DISP2: variants seen among roughly 807,000 people sequenced by gnomAD.
The protein encoded by DISP2 is protein dispatched homolog 2.
Under a neutral mutation model 95.5 loss-of-function variants are expected in DISP2, and 59 were observed. The ratio of observed to expected loss-of-function variants is 0.62; its 90% CI spans 0.50 to 0.77. The LOEUF is 0.77. DISP2 is among the 30% of genes least tolerant of loss of function. The probability of loss-of-function intolerance (pLI) is 0.00; values close to 1 mark genes in which losing one functional copy is unlikely to be tolerated. For missense variants in DISP2, 1,752 were observed against 1,854.6 expected (o/e 0.94, Z 1.02); for synonymous variants, 827 against 815.0 (o/e 1.01, Z -0.25).
In DISP2 at chr15:40,363,660, C is replaced by T. The variant is rs763256585; in HGVS notation, c.155C>T (p.Pro52Leu). The stretch of plus-strand genomic sequence containing the variant: ...AAGGCTGTGCCCCCTGAGGCAAGCC[C>T]AGAGAGAAGCTGCTCCCTCCACAGC... ...QTKAVPPEAS[P>L]ERSCSLHSCP... Residue 52 changes from proline to leucine, a missense_variant, in exon 2 of 8, where the codon CCA (proline) becomes CTA (leucine). Coordinates refer to ENST00000267889, the MANE Select transcript of DISP2 (RefSeq NM_033510.3). 3 of 1,568,572 alleles carry T rather than the reference C, an allele frequency of 1.9e-6. No homozygotes were observed. In the South Asian group the frequency reaches 3.6e-5, roughly 19 times the overall value.
At position 40,363,830 on chromosome 15, in the gene DISP2, C is replaced by A; in HGVS notation, c.325C>A (p.Pro109Thr). 6.2e-7 allele frequency: 1 copy of A among 1,611,456 alleles called. No homozygotes were observed. Among genetic ancestry groups the A allele is most frequent in the Non-Finnish European group, 8.5e-7 (1 of 1,178,238 alleles). The part of the protein sequence containing the change: ...LQEYQGGSSL[P>T]GLGDRAALCS... ...GGAATACCAGGGGGGCAGTTCCCTGCCAGGACTTGGGGATCGGGCAGCTCT... is the reference window on the plus strand; with the variant it reads ...GGAATACCAGGGGGGCAGTTCCCTGACAGGACTTGGGGATCGGGCAGCTCT... The change falls in exon 2 of 8, where the codon CCA becomes ACA. Residue 109 changes from proline to threonine, a missense_variant. By Grantham distance (38) the Pro-to-Thr change is conservative. Around this residue, in one of 5 missense-constraint regions of DISP2, gnomAD observed 342 missense variants for 364.3 expected, o/e 0.94. Coordinates refer to ENST00000267889, the MANE Select transcript of DISP2 (RefSeq NM_033510.3).
chr15:40,369,539 A>C lies in DISP2; in HGVS notation c.3427A>C (p.Lys1143Gln), dbSNP rs772733570. 1 of 1,612,624 alleles carries C rather than the reference A, an allele frequency of 6.2e-7. No individual in the cohort carries two copies. The highest frequency in any genetic ancestry group is 1.3e-5 in the African/African-American group (1 of 74,888). Residue 1143 changes from lysine (K) to glutamine (Q), a missense_variant, in exon 8 of 8, where the codon AAG becomes CAG. Transcript: ENST00000267889. ...TGGTACTGGGGACCCTGGTGGGGAG[A>C]AGGCAGGCCGCCCACGACCAGGGTC... ...DAGTGDPGGE[K>Q]AGRPRPGSVG... is the part of the protein sequence containing the mutation.
At chr15:40,366,946 C>T (rs1474289715) in intron 7 of DISP2, 112 bp from the exon 8 acceptor site, 1 of 1,396,126 alleles carries the variant, frequency 7.2e-7, no homozygotes, top group Admixed American at 2.2e-5. Context: ...CAAGATCCCT[C>T]TCTGCGCTTG....
In DISP2 at chr15:40,370,950, A is replaced by T; in HGVS notation, c.*632A>T. The T allele has an allele frequency of 3.8e-6, 1 of 263,690 alleles. No homozygotes were observed. The highest frequency in any genetic ancestry group is 7.8e-6 in the Non-Finnish European group (1 of 128,946). 16.3% of individuals were successfully genotyped at this position (263,690 alleles called of 1,614,324 possible). A position where few individuals can be genotyped will look rare whatever the true frequency, so the allele number is the denominator to read the frequency against. ...CTGGGTGTGCAGCAGGAGAAGGAGG[A>T]TGGTCAGCCTTGGAGCATCTCTCAA... On this transcript the variant is annotated 3_prime_UTR_variant, in exon 8 of 8. Coordinates refer to ENST00000267889, the MANE Select transcript of DISP2 (RefSeq NM_033510.3).
Position 40,358,259 on chromosome 15 carries a change from C to CGCT in DISP2, c.-61_-60insTGC. ...CCGCCGCCGCTGCCGCCGCCACCGC[C>CGCT]GCCGCCGCCGCCGCCGCCGCGGCTT... On this transcript the variant is annotated 5_prime_UTR_variant, in exon 1 of 8. Coordinates refer to ENST00000267889, the MANE Select transcript of DISP2 (RefSeq NM_033510.3). The CGCT allele has an allele frequency of 8.7e-7, 1 of 1,151,532 alleles. No individual in the cohort carries two copies. The highest frequency in any genetic ancestry group is 1.1e-6 in the Non-Finnish European group (1 of 933,912). 71.3% of individuals were successfully genotyped at this position (1,151,532 alleles called of 1,614,324 possible). A position where few individuals can be genotyped will look rare whatever the true frequency, so the allele number is the denominator to read the frequency against.
chr15:40,368,822 G>A lies in DISP2; in HGVS notation c.2710G>A (p.Val904Ile), dbSNP rs779653902. 6.2e-7 allele frequency: 1 copy of A among 1,613,996 alleles called. No individual in the cohort carries two copies. Among genetic ancestry groups the A allele is most frequent in the South Asian group, 1.1e-5 (1 of 91,090 alleles). ...TGCCCATGGCAGCCTGGCCGCCCTG[G>A]TCCTACAATTCCAGACCAACTTCCG... ...FDAHGSLAAL[V>I]LQFQTNFRNS... The change falls in exon 8 of 8, where the codon GTC (valine) becomes ATC (isoleucine). Residue 904 changes from valine to isoleucine, a missense_variant. Physicochemically the swap from Val to Ile is conservative, Grantham distance 29 (BLOSUM62 3). Transcript: ENST00000267889.
At chr15:40,366,646 G>T (rs1457099233) in intron 7 of DISP2, among the ~76,000 whole-genome samples, 1 of 152,238 alleles carries the variant, frequency 6.6e-6, no homozygotes, top group African/African-American at 2.4e-5. Context: ...GGACAGAGGG[G>T]AGCTGGGTTT....
At chr15:40,359,534 G>C (rs1889374485) in intron 1 of DISP2, among the ~76,000 whole-genome samples, 1 of 152,258 alleles carries the variant, frequency 6.6e-6, no homozygotes, top group Admixed American at 6.5e-5. Context: ...CCTGATCAAA[G>C]ATGGGGCAGT....
rs1362303884 is a variant in DISP2 at position 40,365,179 on chromosome 15, C to G, written c.752C>G (p.Pro251Arg). ...SSSHNTLRPA[P>R]RGSAQESAVR... ...TCCCACAACACTCTGAGGCCTGCACCCAGAGGCAGTGCCCAGGAGAGCGCT... is the reference window on the plus strand; with the variant it reads ...TCCCACAACACTCTGAGGCCTGCACGCAGAGGCAGTGCCCAGGAGAGCGCT... The change falls in exon 6 of 8, where the codon CCC becomes CGC. Residue 251 changes from proline to arginine, a missense_variant. By Grantham distance (103) the Pro-to-Arg change is moderately radical. Transcript: ENST00000267889. 1 of 1,614,174 alleles carries G rather than the reference C, an allele frequency of 6.2e-7. No individual in the cohort carries two copies. The highest frequency in any genetic ancestry group is 1.3e-5 in the African/African-American group (1 of 75,058).
chr15:40,358,414 G>C lies in DISP2; in HGVS notation c.93G>C (p.Leu31Phe). ...AGCAACGGCCCGAGGGGGAGCCCTTGGCCCCAGACGGCGGCTCCCCGGACA... is the reference window on the plus strand; with the variant it reads ...AGCAACGGCCCGAGGGGGAGCCCTTCGCCCCAGACGGCGGCTCCCCGGACA... The part of the protein sequence containing the change: ...EGEQRPEGEP[L>F]APDGGSPDST... The change falls in exon 1 of 8, where the codon TTG becomes TTC. Residue 31 changes from leucine (L) to phenylalanine (F), a missense_variant. Physicochemically the swap from Leu to Phe is conservative, Grantham distance 22 (BLOSUM62 0). Transcript: ENST00000267889. 1 of 1,333,582 alleles carries C rather than the reference G, an allele frequency of 7.5e-7. No homozygotes were observed. The highest frequency in any genetic ancestry group is 3.1e-5 in the East Asian group (1 of 32,258). The allele number at this position is 1,333,582 out of a possible 1,614,324, so 82.6% of individuals were successfully genotyped here.
chr15:40,360,476 C>G (rs1889389523), intron 1 of DISP2, among the ~76,000 whole-genome samples: 1 of 152,026 alleles, frequency 6.6e-6, no homozygotes, highest in Non-Finnish European at 1.5e-5. Flanking sequence ...TGGGCACAGT[C>G]AGGAAGGGTG....
chr15:40,364,336 A>G, intron 3 of DISP2, 81 bp downstream of exon 3: 2 of 1,613,540 alleles, frequency 1.2e-6, no homozygotes, highest in South Asian at 1.1e-5. Context: ...TCTCTGCTCT[A>G]TCTAGCACCC....
chr15:40,367,085 C>G lies in DISP2; in HGVS notation c.973C>G (p.Leu325Val). ...QIRSHTSFGA[L>V]CQRTAANQCC... ...CCGCTCCCATACCAGCTTCGGGGCTCTGTGCCAGCGGACAGCAGCCAACCA... is the reference window on the plus strand; with the variant it reads ...CCGCTCCCATACCAGCTTCGGGGCTGTGTGCCAGCGGACAGCAGCCAACCA... The change falls in exon 8 of 8, where the codon CTG (leucine) becomes GTG (valine). Residue 325 changes from leucine (L) to valine (V), a missense_variant. Physicochemically the swap from Leu to Val is conservative, Grantham distance 32 (BLOSUM62 1). Transcript: ENST00000267889. 1 of 1,612,190 alleles carries G rather than the reference C, an allele frequency of 6.2e-7. No homozygotes were observed. Among genetic ancestry groups the G allele is most frequent in the Non-Finnish European group, 8.5e-7 (1 of 1,180,024 alleles).
chr15:40,368,505 A>T lies in DISP2; in HGVS notation c.2393A>T (p.Asp798Val). ...DPRSNSSLVR[D>V]PAFSASGPEA... ...CGTAGCAACAGCAGCCTGGTGAGGG[A>T]CCCTGCCTTCTCGGCCAGCGGCCCT... The change falls in exon 8 of 8, where the codon GAC (aspartate) becomes GTC (valine). Residue 798 changes from aspartate to valine, a missense_variant. Coordinates refer to ENST00000267889, the MANE Select transcript of DISP2 (RefSeq NM_033510.3). The T allele has an allele frequency of 6.2e-7, 1 of 1,607,312 alleles. No individual in the cohort carries two copies.
rs1889656785 is a variant in DISP2, at chr15:40,372,086, A to G, written c.*1768A>G. On this transcript the variant is annotated 3_prime_UTR_variant, in exon 8 of 8. Transcript: ENST00000267889. ...TTTGTAGCCTCAGGACTCTTTCTTCAAAGAAGCTCTGTGTGGAAAAACAAT... is the reference window on the plus strand; with the variant it reads ...TTTGTAGCCTCAGGACTCTTTCTTCGAAGAAGCTCTGTGTGGAAAAACAAT... 6.6e-6 allele frequency: 1 copy of G among 152,186 alleles called. No homozygotes were observed. The highest frequency in any genetic ancestry group is 1.5e-5 in the Non-Finnish European group (1 of 68,036). 9.4% of individuals were successfully genotyped at this position (152,186 alleles called of 1,614,324 possible).
chr15:40,358,252 C>T lies in DISP2; in HGVS notation c.-70C>T. 3 of 1,110,918 alleles carry T rather than the reference C, an allele frequency of 2.7e-6. No individual in the cohort carries two copies. The highest frequency in any genetic ancestry group is 3.3e-6 in the Non-Finnish European group (3 of 906,220). The allele number at this position is 1,110,918 out of a possible 1,614,324, so 68.8% of individuals were successfully genotyped here. ...GAGCACCCCGCCGCCGCTGCCGCCGCCACCGCCGCCGCCGCCGCCGCCGCC... is the reference window on the plus strand; with the variant it reads ...GAGCACCCCGCCGCCGCTGCCGCCGTCACCGCCGCCGCCGCCGCCGCCGCC... On this transcript the variant is annotated 5_prime_UTR_variant, in exon 1 of 8. Transcript: ENST00000267889.
Position 40,374,157 on chromosome 15 carries a change from T to C in DISP2, c.*3839T>C, listed in dbSNP as rs1247849470. 2 of 151,210 alleles carry C rather than the reference T, an allele frequency of 1.3e-5. No individual in the cohort carries two copies. Among genetic ancestry groups the C allele is most frequent in the African/African-American group, 4.9e-5 (2 of 41,072 alleles). 9.4% of individuals were successfully genotyped at this position (151,210 alleles called of 1,614,324 possible). On this transcript the variant is annotated 3_prime_UTR_variant, in exon 8 of 8. Coordinates refer to ENST00000267889, the MANE Select transcript of DISP2 (RefSeq NM_033510.3). Reference sequence around the variant, plus strand: ...TTGGCTGAATCTTAGATTTTACTGATATATAGCATATCCCATACCATGATA... The same window carrying C: ...TTGGCTGAATCTTAGATTTTACTGACATATAGCATATCCCATACCATGATA...
At position 40,375,556 on chromosome 15, in the gene DISP2, C is replaced by G. The variant is rs1246957791; in HGVS notation, c.*5238C>G. On this transcript the variant is annotated 3_prime_UTR_variant, in exon 8 of 8. Transcript: ENST00000267889. ...GGACAAAAAAAAAAAAAAAATTCTT[C>G]ATGAAGAAAACTGAAGCCTTCAAAT... 1 of 150,952 alleles carries G rather than the reference C, an allele frequency of 6.6e-6. No homozygotes were observed. The highest frequency in any genetic ancestry group is 1.5e-5 in the Non-Finnish European group (1 of 67,840). The allele number at this position is 150,952 out of a possible 1,614,324, so 9.4% of individuals were successfully genotyped here.
chr15:40,369,593 G>A lies in DISP2; in HGVS notation c.3481G>A (p.Glu1161Lys), dbSNP rs780434126. 6 of 1,611,632 alleles carry A rather than the reference G, an allele frequency of 3.7e-6. No individual in the cohort carries two copies. Among genetic ancestry groups the A allele is most frequent in the Admixed American group, 3.3e-5 (2 of 60,028 alleles). The change falls in exon 8 of 8, where the codon GAG becomes AAG. Residue 1161 changes from glutamate to lysine, a missense_variant. Physicochemically the swap from Glu to Lys is moderately conservative, Grantham distance 56. Transcript: ENST00000267889. Reference protein sequence around the residue: ...SVGGMPGSCSEQYELQPLARR... With the variant: ...SVGGMPGSCSKQYELQPLARR... ...GGGAGGGATGCCCGGGTCCTGCTCA[G>A]AGCAATATGAGCTACAGCCCCTGGC...
Sources: gnomAD v4.1 joint callset for allele counts (sites outside exome capture counted in the v4.1 genomes callset) on GRCh38, gnomAD v4.1.1 for gene constraint, gnomAD v4.1.1 regional missense constraint, MANE v1.5 for transcripts, NCBI Gene and HGNC (gene_info 2026-07-23, HGNC 2026-07-21) for gene names.